Variants in RBBP5 observed in about 807,000 individuals in gnomAD.
RBBP5 encodes RB binding protein 5, histone lysine methyltransferase complex subunit.
A neutral mutation model predicts 72.2 loss-of-function variants in RBBP5; 5 were observed. The observed-to-expected ratio is 0.07, with a 90% CI of 0.04 to 0.15. RBBP5 has a LOEUF of 0.15. RBBP5 is among the 10% of genes least tolerant of loss of function. RBBP5 has a pLI of 1.00. For missense variants in RBBP5, 322 were observed against 652.2 expected, an observed-to-expected ratio of 0.49 and a Z score of 5.51; for synonymous variants, 209 against 237.2, an observed-to-expected ratio of 0.88 and a Z score of 1.09.
intron 1 of RBBP5, 157 bp from the exon 2 acceptor site, chr1:205,116,040 C>A: frequency 6.8e-7 from 1 of 1,462,678 alleles, no homozygotes; most frequent in Non-Finnish European, 9.4e-7. Flanking sequence ...CAAGATCCTG[C>A]TAAGATGACT....
Position 205,088,622 on chromosome 1 carries a change from T to C in RBBP5, c.*165A>G, listed in dbSNP as rs878946602. 7 of 653,858 alleles carry C rather than the reference T, an allele frequency of 1.1e-5. No individual in the cohort carries two copies. In the South Asian group the frequency reaches 1.3e-4, roughly 12 times the overall value. The allele number at this position is 653,858 out of a possible 1,614,324, so 40.5% of individuals were successfully genotyped here. On this transcript the variant is annotated 3_prime_UTR_variant, in exon 14 of 14. Transcript: ENST00000264515. ...GGAAGGGAAGGTCGTATACTCTTCT[T>C]CCATAATTCACTTCTTCATTTAAAC...
At chr1:205,091,811 A>G (rs947928155) in intron 13 of RBBP5, 14 of 152,066 alleles carry the variant, frequency 9.2e-5, no homozygotes, top group African/African-American at 3.4e-4. Context: ...AAAACCTTGA[A>G]TCTACACATA....
chr1:205,093,480 ATATATATATATATATATAT>A lies in RBBP5; in HGVS notation c.1588+1374_1588+1392del, dbSNP rs1558570248. 3.1e-3 allele frequency among the ~76,000 whole-genome samples: 24 copies of A among 7,766 alleles called. 7 individuals are homozygous for A. The highest frequency in any genetic ancestry group is 7.4e-3 in the Non-Finnish European group (22 of 2,960). The allele number at this position is 7,766 out of a possible 152,430, so 5.1% of individuals were successfully genotyped here. ...TTTCAAAAAAAAAAAAAAAAAAAAAATATATATATATATATATATATATATATATATATATATATATATA... is the reference window on the plus strand; with the variant it reads ...TTTCAAAAAAAAAAAAAAAAAAAAAAATATATATATATATATATATATATA... On this transcript the variant is annotated intron_variant, in intron 13 of 13. Transcript: ENST00000264515.
intron 3 of RBBP5, among the ~76,000 whole-genome samples, chr1:205,111,239 T>C (rs1205563672): frequency 1.3e-5 from 2 of 152,194 alleles, no homozygotes; most frequent in South Asian, 4.1e-4. Context: ...CAAATGCCCT[T>C]TGGGCATCTC....
At chr1:205,090,448 AG>A (rs1655299458) in intron 13 of RBBP5, among the ~76,000 whole-genome samples, 1 of 152,232 alleles carries the variant, frequency 6.6e-6, no homozygotes, top group Admixed American at 6.5e-5. Context: ...TTTTCTGAAT[AG>A]ACAAAATAAA....
chr1:205,115,956 T>C (rs1427040260), intron 1 of RBBP5, 73 bp from the exon 2 acceptor site: 16 of 1,613,716 alleles, frequency 9.9e-6, no homozygotes, highest in African/African-American at 1.3e-5. Flanking sequence ...ACGAACAGTG[T>C]ATAGCAGTGG....
Position 205,086,593 on chromosome 1 carries a change from A to G in RBBP5, c.*2194T>C, listed in dbSNP as rs956664387. ...TGGCAGGGCAGGGATGACAAAAAGG[A>G]AGAAGAGAATATACATATATTGTAC... On this transcript the variant is annotated 3_prime_UTR_variant, in exon 14 of 14. Transcript: ENST00000264515. 2 of 152,192 alleles carry G rather than the reference A, an allele frequency of 1.3e-5. No homozygotes were observed. Among genetic ancestry groups the G allele is most frequent in the African/African-American group, 4.8e-5 (2 of 41,436 alleles). 9.4% of individuals were successfully genotyped at this position (152,192 alleles called of 1,614,324 possible). A position where few individuals can be genotyped will look rare whatever the true frequency, so the allele number is the denominator to read the frequency against.
Position 205,087,612 on chromosome 1 carries a change from C to A in RBBP5, c.*1175G>T, listed in dbSNP as rs77799390. On this transcript the variant is annotated 3_prime_UTR_variant, in exon 14 of 14. Coordinates refer to ENST00000264515, the MANE Select transcript of RBBP5 (RefSeq NM_005057.4). ...TTAAGCACTTCCAGTCAGCTAAAAA[C>A]GCCACTCAGAGAAGCTACTGAGCCC... is the stretch of plus-strand genomic sequence containing the variant. 6.9e-6 allele frequency: 1 copy of A among 145,182 alleles called. No homozygotes were observed. Among genetic ancestry groups the A allele is most frequent in the South Asian group, 2.2e-4 (1 of 4,616 alleles). 9.0% of individuals were successfully genotyped at this position (145,182 alleles called of 1,614,324 possible).
intron 4 of RBBP5, 122 bp downstream of exon 4, chr1:205,104,906 T>C: frequency 1.8e-6 from 2 of 1,096,616 alleles, no homozygotes; most frequent in Non-Finnish European, 1.3e-6. Flanking sequence ...GATTATTTTA[T>C]GTAGAAGGTT....
At chr1:205,096,607 A>G in intron 12 of RBBP5, 75 bp downstream of exon 12, 1 of 1,380,492 alleles carries the variant, frequency 7.2e-7, no homozygotes. Context: ...CTCAAACAGG[A>G]AATTACCAGG....
intron 3 of RBBP5, among the ~76,000 whole-genome samples, chr1:205,106,497 T>C (rs980547872): frequency 1.3e-5 from 2 of 151,956 alleles, no homozygotes; most frequent in Non-Finnish European, 2.9e-5. Context: ...CTCGGGAGGC[T>C]TGAGGCAGGA....
intron 5 of RBBP5, among the ~76,000 whole-genome samples, chr1:205,102,589 G>A (rs1363244561): frequency 6.6e-6 from 1 of 152,136 alleles, no homozygotes; most frequent in Non-Finnish European, 1.5e-5. Flanking sequence ...GATGGATGGT[G>A]ATCATTGCAC....
intron 12 of RBBP5, among the ~76,000 whole-genome samples, chr1:205,095,800 G>T (rs556759991): frequency 6.6e-6 from 1 of 152,210 alleles, no homozygotes; most frequent in African/African-American, 2.4e-5. Context: ...AGTCAGCAAT[G>T]GTACATATAC....
chr1:205,089,836 A>G (rs1195865601), intron 13 of RBBP5, among the ~76,000 whole-genome samples: 1 of 151,946 alleles, frequency 6.6e-6, no homozygotes, highest in East Asian at 1.9e-4. Flanking sequence ...CCTTGCATTG[A>G]TTTTTTATTT....
At chr1:205,120,766 C>T (rs1175701908) in intron 1 of RBBP5, among the ~76,000 whole-genome samples, 2 of 151,136 alleles carry the variant, frequency 1.3e-5, no homozygotes, top group African/African-American at 2.4e-5. Context: ...TAGGCGACGG[C>T]GCGAGGCTGT....
At chr1:205,102,817 G>A (rs1374707177) in intron 5 of RBBP5, among the ~76,000 whole-genome samples, 1 of 151,874 alleles carries the variant, frequency 6.6e-6, no homozygotes, top group East Asian at 1.9e-4. Flanking sequence ...AACATGGAGA[G>A]ACCCCGTCTC....
Position 205,105,084 on chromosome 1 carries a change from G to T in RBBP5, c.303C>A (p.Asp101Glu). The T allele has an allele frequency of 6.2e-7, 1 of 1,613,970 alleles. No individual in the cohort carries two copies. Among genetic ancestry groups the T allele is most frequent in the Non-Finnish European group, 8.5e-7 (1 of 1,180,008 alleles). The part of the protein sequence containing the change: ...SQWDVLSGDC[D>E]QRFRFPSPIL... ...TGGGTGAAGGGAATCGAAACCTCTGGTCACAGTCGCCTGAAAGAACATCCC... is the reference window on the plus strand; with the variant it reads ...TGGGTGAAGGGAATCGAAACCTCTGTTCACAGTCGCCTGAAAGAACATCCC... The change falls in exon 4 of 14, where the codon GAC (aspartate) becomes GAA (glutamate). Residue 101 changes from aspartate to glutamate, a missense_variant. Around this residue, in one of 6 missense-constraint regions of RBBP5, gnomAD observed 161 missense variants for 327.8 expected, o/e 0.49. Coordinates refer to ENST00000264515, the MANE Select transcript of RBBP5 (RefSeq NM_005057.4).
In RBBP5 at chr1:205,116,792, C is replaced by T. The variant is rs556647516; in HGVS notation, c.20-909G>A. Among the ~76,000 whole-genome samples the T allele has an allele frequency of 1.2e-3, 190 of 152,052 alleles. 1 individual carries two copies. Among genetic ancestry groups the T allele is most frequent in the African/African-American group, 4.5e-3 (185 of 41,486 alleles). On this transcript the variant is annotated intron_variant, in intron 1 of 13. Transcript: ENST00000264515. ...TCGTGCCACTGCACTCCAACCTGGGCGACAGAACAAGACTCCGTCTCAAAA... is the reference window on the plus strand; with the variant it reads ...TCGTGCCACTGCACTCCAACCTGGGTGACAGAACAAGACTCCGTCTCAAAA...
chr1:205,103,844 C>G lies in RBBP5; in HGVS notation c.522+13G>C, dbSNP rs1655944322. On this transcript the variant is annotated intron_variant, in intron 5 of 13. Transcript: ENST00000264515. ...GTGTACAAGATGCCTGATTTGCCAG[C>G]TTTTAGGCTTACCTTGCCTTTTGCG... The G allele has an allele frequency of 1.9e-6, 3 of 1,606,782 alleles. No homozygotes were observed. The highest frequency in any genetic ancestry group is 2.6e-6 in the Non-Finnish European group (3 of 1,173,738).
Sources: allele counts gnomAD v4.1 joint callset (sites outside exome capture counted in the v4.1 genomes callset), GRCh38; gene constraint gnomAD v4.1.1; regional missense constraint gnomAD v4.1.1; transcripts MANE v1.5; gene names NCBI Gene and HGNC (gene_info 2026-07-23, HGNC 2026-07-21).